The following MBOAT2 variants were observed in gnomAD, a reference collection of about 807,000 sequenced individuals.
MBOAT2 encodes membrane bound glycerophospholipid O-acyltransferase 2.
Under a neutral mutation model 63.4 loss-of-function variants are expected in MBOAT2, and 28 were observed. That is an observed-to-expected ratio of 0.44 (90% confidence interval 0.33 to 0.61). The LOEUF (loss-of-function observed/expected upper bound fraction) is 0.61, where lower values mean the gene tolerates loss of function less well. Ranked by LOEUF, MBOAT2 falls within the 20% of genes least tolerant of loss-of-function variation. The probability of loss-of-function intolerance (pLI) is 0.03; values close to 1 mark genes in which losing one functional copy is unlikely to be tolerated. For synonymous variants in MBOAT2, 211 were observed against 215.6 expected, an observed-to-expected ratio of 0.98 and a Z score of 0.19; for missense variants, 470 against 605.8, an observed-to-expected ratio of 0.78 and a Z score of 2.35.
intron 4 of MBOAT2, among the ~76,000 whole-genome samples, chr2:8,890,960 G>C (rs955816821): frequency 6.6e-6 from 1 of 152,144 alleles, no homozygotes; most frequent in Admixed American, 6.5e-5. Context: ...ATATTGTAAT[G>C]ATTTGTTTAC....
At chr2:8,905,865 C>G (rs1192583949) in intron 4 of MBOAT2, among the ~76,000 whole-genome samples, 1 of 152,182 alleles carries the variant, frequency 6.6e-6, no homozygotes, top group Non-Finnish European at 1.5e-5. Context: ...GATTTATAAA[C>G]AGGTTTTCTA....
chr2:8,865,769 G>C (rs1661829837), intron 9 of MBOAT2, among the ~76,000 whole-genome samples: 1 of 152,196 alleles, frequency 6.6e-6, no homozygotes, highest in Non-Finnish European at 1.5e-5. Flanking sequence ...GGGCACGGTG[G>C]CTCATGCCAG....
intron 3 of MBOAT2, among the ~76,000 whole-genome samples, chr2:8,930,665 A>G (rs1454517990): frequency 7.0e-6 from 1 of 143,288 alleles, no homozygotes; most frequent in African/African-American, 2.6e-5. Context: ...ACTGACTTCC[A>G]CAACGGTTTG....
At chr2:8,989,587 G>A (rs963151765) in intron 1 of MBOAT2, among the ~76,000 whole-genome samples, 2 of 152,170 alleles carry the variant, frequency 1.3e-5, no homozygotes, top group African/African-American at 4.8e-5. Context: ...GAGGGCTACT[G>A]ATGCCTAATG....
At chr2:8,896,174 G>A (rs921382969) in intron 4 of MBOAT2, among the ~76,000 whole-genome samples, 1 of 150,192 alleles carries the variant, frequency 6.7e-6, no homozygotes, top group Non-Finnish European at 1.5e-5. Context: ...GGGAGGTGGA[G>A]CTTGCAGTGA....
At chr2:8,967,802 C>A (rs1670107263) in intron 1 of MBOAT2, among the ~76,000 whole-genome samples, 1 of 151,890 alleles carries the variant, frequency 6.6e-6, no homozygotes, top group Non-Finnish European at 1.5e-5. Context: ...ATAACACAAA[C>A]TTTGGAAACA....
At chr2:8,863,302 A>G (rs573497109) in intron 10 of MBOAT2, among the ~76,000 whole-genome samples, 79 of 152,338 alleles carry the variant, frequency 5.2e-4, no homozygotes, top group African/African-American at 1.6e-3. Context: ...TAGCCATCTC[A>G]AGGGATAAAG....
In MBOAT2 at chr2:8,905,571, C is replaced by A. The variant is rs1214478024; in HGVS notation, c.395+3050G>T. On this transcript the variant is annotated intron_variant, in intron 4 of 12. Coordinates refer to ENST00000305997, the MANE Select transcript of MBOAT2 (RefSeq NM_138799.4). ...ATCAGAAGGATGGAAAACCAAACAC[C>A]GCATGTTGTTATTCACAGGTAGGAA... Among the ~76,000 whole-genome samples, 6 of 152,114 alleles carry A rather than the reference C, an allele frequency of 3.9e-5. No individual in the cohort carries two copies. The East Asian group carries it at 1.2e-3, about 29-fold the overall frequency.
chr2:8,882,758 A>G (rs1204455383), intron 5 of MBOAT2, among the ~76,000 whole-genome samples, 193 bp from the exon 6 acceptor site: 1 of 152,148 alleles, frequency 6.6e-6, no homozygotes, highest in Non-Finnish European at 1.5e-5. Flanking sequence ...AAAATAACAC[A>G]TGGTTGGGTA....
chr2:8,916,969 T>C (rs1240038439), intron 3 of MBOAT2, among the ~76,000 whole-genome samples: 1 of 152,220 alleles, frequency 6.6e-6, no homozygotes, highest in East Asian at 1.9e-4. Flanking sequence ...CATAGATCAA[T>C]GAACAGAATA....
intron 6 of MBOAT2, among the ~76,000 whole-genome samples, chr2:8,879,183 T>C (rs1662926488): frequency 6.6e-6 from 1 of 152,218 alleles, no homozygotes; most frequent in Admixed American, 6.5e-5. Flanking sequence ...CAGTTCTTTC[T>C]ATTTAATGAT....
intron 1 of MBOAT2, among the ~76,000 whole-genome samples, chr2:8,967,610 T>C (rs1407558656): frequency 2.6e-5 from 4 of 152,176 alleles, no homozygotes; most frequent in Non-Finnish European, 4.4e-5. Context: ...AATATAAACA[T>C]GTGAGATAGC....
intron 1 of MBOAT2, among the ~76,000 whole-genome samples, chr2:8,966,869 G>T (rs1158825359): frequency 6.6e-6 from 1 of 152,154 alleles, no homozygotes; most frequent in Non-Finnish European, 1.5e-5. Context: ...CTAACATGGG[G>T]ACTAGGAGAG....
intron 9 of MBOAT2, among the ~76,000 whole-genome samples, chr2:8,865,991 C>T (rs747026093): frequency 6.6e-6 from 1 of 152,014 alleles, no homozygotes; most frequent in African/African-American, 2.4e-5. Flanking sequence ...GAACCGAAAT[C>T]GCGCCACCGC....
chr2:8,864,293 T>A, intron 9 of MBOAT2, 59 bp from the exon 10 acceptor site: 1 of 956,834 alleles, frequency 1.0e-6, no homozygotes, highest in Non-Finnish European at 1.5e-6. Flanking sequence ...TTAAATATAA[T>A]AATATATTAT....
intron 8 of MBOAT2, among the ~76,000 whole-genome samples, chr2:8,871,546 A>G (rs1170960508): frequency 6.6e-6 from 1 of 152,210 alleles, no homozygotes; most frequent in African/African-American, 2.4e-5. Flanking sequence ...TTAAAGTCAG[A>G]ATTTAAGTAG....
chr2:8,864,922 A>G (rs992038834), intron 9 of MBOAT2, among the ~76,000 whole-genome samples: 12 of 151,354 alleles, frequency 7.9e-5, no homozygotes, highest in African/African-American at 2.9e-4. Context: ...GTAAATTACT[A>G]CTCTTATGTC....
chr2:8,898,734 G>A (rs1426458717), intron 4 of MBOAT2, among the ~76,000 whole-genome samples: 2 of 152,242 alleles, frequency 1.3e-5, no homozygotes, highest in African/African-American at 4.8e-5. Flanking sequence ...GGGACGTGTG[G>A]TCTGTGGGAT....
chr2:8,973,954 A>AT (rs1299565358), intron 1 of MBOAT2, among the ~76,000 whole-genome samples: 15 of 152,200 alleles, frequency 9.9e-5, no homozygotes, highest in Non-Finnish European at 1.6e-4. Context: ...ACTGCAGCAC[A>AT]GTGATAATAT....
Sources: allele counts gnomAD v4.1 joint callset (sites outside exome capture counted in the v4.1 genomes callset), GRCh38; gene constraint gnomAD v4.1.1; transcripts MANE v1.5; gene names NCBI Gene and HGNC (gene_info 2026-07-23, HGNC 2026-07-21).